Variants in ADGRV1 observed in about 807,000 individuals in gnomAD.
ADGRV1 encodes the protein adhesion G protein-coupled receptor V1, also known as G-protein coupled receptor 98.
In ADGRV1, 359 loss-of-function variants were observed where a neutral mutation model predicts 596.2. The observed-to-expected ratio is 0.60, with a 90% CI of 0.55 to 0.66. ADGRV1 has a LOEUF of 0.66. Among genes scored for constraint, ADGRV1 ranks in the 30% least tolerant of loss-of-function variants. ADGRV1 has a pLI of 0.00. For missense variants in ADGRV1, 7,274 were observed against 7,575.6 expected (o/e 0.96, Z 1.48); for synonymous variants, 2,681 against 2,679.2 (o/e 1.00, Z -0.02).
chr5:91,057,572 T>A (rs1238655626), intron 85 of ADGRV1, among the ~76,000 whole-genome samples: 2 of 152,274 alleles, frequency 1.3e-5, no homozygotes, highest in East Asian at 3.8e-4. Context: ...CTGCTGTTCC[T>A]ATTTTATTTC....
At chr5:90,987,070 C>G (rs1780554704) in intron 85 of ADGRV1, among the ~76,000 whole-genome samples, 1 of 152,196 alleles carries the variant, frequency 6.6e-6, no homozygotes, top group South Asian at 2.1e-4. Context: ...TCCAAATGAG[C>G]TTACTCAAAG....
intron 21 of ADGRV1, among the ~76,000 whole-genome samples, chr5:90,668,288 C>T (rs1355470181): frequency 1.3e-5 from 2 of 152,182 alleles, no homozygotes; most frequent in Non-Finnish European, 2.9e-5. Flanking sequence ...ACCCTCTGAG[C>T]CAGGTGCGGG....
chr5:90,657,735 T>A (rs528524011), intron 20 of ADGRV1, among the ~76,000 whole-genome samples, 170 bp from the exon 21 acceptor site: 1 of 152,028 alleles, frequency 6.6e-6, no homozygotes, highest in Admixed American at 6.5e-5. Flanking sequence ...ATTCCTTTTT[T>A]AAAATCATAA....
In ADGRV1 at chr5:90,558,857, G is replaced by T. The variant is rs1449058174; in HGVS notation, c.-39G>T. ...GACGGGAGTCAGAGGCAGAGCGAGG[G>T]TGTGTGGAGGGCCGGCGGGGACCGC... On this transcript the variant is annotated 5_prime_UTR_variant, in exon 1 of 90. Coordinates refer to ENST00000405460, the MANE Select transcript of ADGRV1 (RefSeq NM_032119.4). 5 of 1,558,998 alleles carry T rather than the reference G, an allele frequency of 3.2e-6. No individual in the cohort carries two copies. The Admixed American group carries it at 7.7e-5, about 24-fold the overall frequency.
chr5:90,607,547 A>G (rs1762252980), intron 1 of ADGRV1, among the ~76,000 whole-genome samples: 1 of 152,096 alleles, frequency 6.6e-6, no homozygotes, highest in Admixed American at 6.6e-5. Context: ...CCAGTTTTTT[A>G]CCCCCTTCTA....
chr5:91,057,637 C>T (rs183909842), intron 85 of ADGRV1, among the ~76,000 whole-genome samples: 1 of 152,148 alleles, frequency 6.6e-6, no homozygotes, highest in Non-Finnish European at 1.5e-5. Flanking sequence ...ACAGGAACAT[C>T]CTGTTGACAA....
chr5:90,625,150 C>T lies in ADGRV1; in HGVS notation c.579C>T (p.Pro193=). The T allele has an allele frequency of 1.2e-6, 2 of 1,610,810 alleles. No individual in the cohort carries two copies. Among genetic ancestry groups the T allele is most frequent in the Non-Finnish European group, 1.7e-6 (2 of 1,177,772 alleles). Reference sequence around the variant, plus strand: ...TGCAGGTAGAGGGTGGCCCAAATCCCCCTGATGAAGATTTGAGTCCAGTTA... The same window carrying T: ...TGCAGGTAGAGGGTGGCCCAAATCCTCCTGATGAAGATTTGAGTCCAGTTA... ...VTFEVEGGPN[P]PDEDLSPVKG... Residue 193 remains proline (P), a synonymous_variant, in exon 6 of 90, where the codon CCC becomes CCT. Transcript: ENST00000405460.
chr5:90,966,481 G>T (rs921603368), intron 84 of ADGRV1, among the ~76,000 whole-genome samples: 1 of 131,226 alleles, frequency 7.6e-6, no homozygotes, highest in African/African-American at 2.9e-5. Context: ...GCAGTAAGCC[G>T]AAATGGCACC....
At chr5:90,995,772 G>T (rs1406739886) in intron 85 of ADGRV1, among the ~76,000 whole-genome samples, 1 of 152,178 alleles carries the variant, frequency 6.6e-6, no homozygotes, top group Non-Finnish European at 1.5e-5. Context: ...CCAGGCTGAG[G>T]TGGCCTCAGA....
rs777243500 is a variant in ADGRV1, at chr5:90,627,615, CATT to C, written c.1080_1082del (p.Ile360del). The C allele has an allele frequency of 6.2e-7, 1 of 1,613,870 alleles. No individual in the cohort carries two copies. Among genetic ancestry groups the C allele is most frequent in the South Asian group, 1.1e-5 (1 of 91,082 alleles). On this transcript the variant is annotated inframe_deletion, in exon 7 of 90. Transcript: ENST00000405460. ...TACCGGAGATTGCTGAATCGTTTCA[CATT>C]ATGTTACTAAAAGATACCTTACAGG...
At chr5:91,141,813 G>T (rs1473452042) in intron 87 of ADGRV1, among the ~76,000 whole-genome samples, 4 of 152,156 alleles carry the variant, frequency 2.6e-5, no homozygotes, top group African/African-American at 9.7e-5. Context: ...ACTTCCCAGG[G>T]GTGTCTGCCA....
At chr5:90,657,267 C>T (rs755270423) in intron 20 of ADGRV1, among the ~76,000 whole-genome samples, 1 of 151,054 alleles carries the variant, frequency 6.6e-6, no homozygotes, top group Admixed American at 6.6e-5. Context: ...ACAAAAAAAA[C>T]AAAACAACAA....
At chr5:90,917,380 CT>C (rs944780984) in intron 83 of ADGRV1, among the ~76,000 whole-genome samples, 3 of 152,122 alleles carry the variant, frequency 2.0e-5, no homozygotes, top group African/African-American at 7.2e-5. Flanking sequence ...ATTTAAGTGA[CT>C]TTTTAAGTCA....
chr5:90,628,526 T>A (rs765914036), intron 7 of ADGRV1, 36 bp from the exon 8 acceptor site: 6 of 1,567,038 alleles, frequency 3.8e-6, no homozygotes, highest in Middle Eastern at 3.3e-4. Context: ...TAAAGTGTAC[T>A]ATGTGACAAT....
At chr5:90,571,464 A>G (rs1293618537) in intron 1 of ADGRV1, among the ~76,000 whole-genome samples, 1 of 152,102 alleles carries the variant, frequency 6.6e-6, no homozygotes, top group East Asian at 1.9e-4. Context: ...TTTGCAATAA[A>G]TGTCTCATTG....
chr5:91,126,888 GGCAGCAA>G (rs1793806805), intron 87 of ADGRV1, among the ~76,000 whole-genome samples: 1 of 152,162 alleles, frequency 6.6e-6, no homozygotes, highest in African/African-American at 2.4e-5. Context: ...CTCTCTCGGA[GGCAGCAA>G]GCAGCATACC....
Position 90,965,497 on chromosome 5 carries a change from T to C in ADGRV1, c.17939T>C (p.Leu5980Pro). Residue 5980 changes from leucine to proline, a missense_variant, in exon 84 of 90, where the codon CTG (leucine) becomes CCG (proline). Physicochemically the swap from Leu to Pro is moderately conservative, Grantham distance 98. This residue lies in a region of ADGRV1 where 1,874 missense variants were observed against 1,970.2 expected (regional missense o/e 0.95). Coordinates refer to ENST00000405460, the MANE Select transcript of ADGRV1 (RefSeq NM_032119.4). ...CSAMAAVTHY[L>P]YLCQFSWMLI... ...GCTATGGCTGCTGTCACACATTACCTGTATCTTTGCCAGTTTAGCTGGATG... is the reference window on the plus strand; with the variant it reads ...GCTATGGCTGCTGTCACACATTACCCGTATCTTTGCCAGTTTAGCTGGATG... The C allele has an allele frequency of 6.2e-7, 1 of 1,612,802 alleles. No homozygotes were observed. Among genetic ancestry groups the C allele is most frequent in the Non-Finnish European group, 8.5e-7 (1 of 1,179,034 alleles).
At chr5:90,709,834 T>C (rs1441079265) in intron 39 of ADGRV1, among the ~76,000 whole-genome samples, 1 of 152,262 alleles carries the variant, frequency 6.6e-6, no homozygotes, top group Non-Finnish European at 1.5e-5. Context: ...TTCATATTTC[T>C]TTCATCCTCT....
At chr5:90,797,070 GCAAAATAAC>G (rs1290801580) in intron 70 of ADGRV1, among the ~76,000 whole-genome samples, 1 of 151,310 alleles carries the variant, frequency 6.6e-6, no homozygotes, top group Non-Finnish European at 1.5e-5. Context: ...CAACTAATGG[GCAAAATAAC>G]CAGCTGGCAT....
Sources: gnomAD v4.1 joint callset for allele counts (sites outside exome capture counted in the v4.1 genomes callset) on GRCh38, gnomAD v4.1.1 for gene constraint, gnomAD v4.1.1 regional missense constraint, MANE v1.5 for transcripts, NCBI Gene and HGNC (gene_info 2026-07-23, HGNC 2026-07-21) for gene names.